RBPJ: variants seen among roughly 807,000 people sequenced by gnomAD.
RBPJ encodes recombination signal binding protein for immunoglobulin kappa J region.
Under a neutral mutation model 67.8 loss-of-function variants are expected in RBPJ, and 9 were observed. The observed-to-expected ratio is 0.13, with a 90% CI of 0.08 to 0.23. RBPJ has a LOEUF of 0.23. Among genes scored for constraint, RBPJ ranks in the 10% least tolerant of loss-of-function variants. The pLI is 1.00. For missense variants in RBPJ, 305 were observed against 595.6 expected, an observed-to-expected ratio of 0.51 and a Z score of 5.08; for synonymous variants, 198 against 203.3, an observed-to-expected ratio of 0.97 and a Z score of 0.22.
intron 1 of RBPJ, among the ~76,000 whole-genome samples, chr4:26,170,504 A>G: frequency 6.6e-6 from 1 of 151,420 alleles, no homozygotes; most frequent in Non-Finnish European, 1.5e-5. Flanking sequence ...TTGCAGTGCC[A>G]CTGCACTCCA....
chr4:26,235,446 A>T (rs1266347318), intron 1 of RBPJ, among the ~76,000 whole-genome samples: 1 of 152,250 alleles, frequency 6.6e-6, no homozygotes, highest in Non-Finnish European at 1.5e-5. Flanking sequence ...ATTAACATTT[A>T]AAAACAAAAA....
intron 1 of RBPJ, among the ~76,000 whole-genome samples, chr4:26,232,932 C>T (rs1719338486): frequency 6.6e-6 from 1 of 152,170 alleles, no homozygotes; most frequent in South Asian, 2.1e-4. Context: ...TGTTCCTAAA[C>T]ACCATCTAAG....
chr4:26,147,983 C>T, the RBPJ span, among the ~76,000 whole-genome samples: 1 of 152,186 alleles, frequency 6.6e-6, no homozygotes, highest in Non-Finnish European at 1.5e-5. Flanking sequence ...CTTGAACTTA[C>T]TGAAACTCTG....
intron 1 of RBPJ, among the ~76,000 whole-genome samples, chr4:26,345,875 C>T (rs1726078386): frequency 6.6e-6 from 1 of 152,166 alleles, no homozygotes; most frequent in African/African-American, 2.4e-5. Flanking sequence ...GGAAGATTTT[C>T]AGAGAATACA....
intron 1 of RBPJ, among the ~76,000 whole-genome samples, chr4:26,255,842 A>G (rs532520515): frequency 6.6e-6 from 1 of 152,044 alleles, no homozygotes; most frequent in Admixed American, 6.5e-5. Flanking sequence ...AAAATCACCT[A>G]AGTTCTAGTC....
At chr4:26,375,802 A>G (rs1190139785) in intron 1 of RBPJ, among the ~76,000 whole-genome samples, 2 of 152,152 alleles carry the variant, frequency 1.3e-5, no homozygotes, top group Non-Finnish European at 2.9e-5. Flanking sequence ...GGGGAAAGGG[A>G]TGCTTGCTGC....
At chr4:26,137,353 A>C in the RBPJ span, among the ~76,000 whole-genome samples, 6 of 152,138 alleles carry the variant, frequency 3.9e-5, no homozygotes, top group African/African-American at 1.4e-4. Flanking sequence ...CCCACTCCCT[A>C]CCCTCTGGTA....
intron 1 of RBPJ, among the ~76,000 whole-genome samples, chr4:26,209,114 T>TATAA (rs1718274240): frequency 1.3e-5 from 2 of 150,258 alleles, no homozygotes; most frequent in Admixed American, 6.6e-5. Flanking sequence ...TATATATATA[T>TATAA]AAAAGCATTT....
intron 1 of RBPJ, among the ~76,000 whole-genome samples, chr4:26,375,825 C>T (rs1413392528): frequency 2.0e-5 from 3 of 152,088 alleles, no homozygotes; most frequent in Non-Finnish European, 2.9e-5. Flanking sequence ...GCTCTCTGGC[C>T]GCCCTTCCTA....
In RBPJ at chr4:26,262,703, C is replaced by G. The variant is rs142760830; in HGVS notation, c.-167+99089C>G. On this transcript the variant is annotated intron_variant, in intron 1 of 4. Transcript: ENST00000512351. Reference sequence around the variant, plus strand: ...TCAACTATTGTTCAGAGGCTAATGACTCCCAAGACTCTATCTGCCACCTAA... The same window carrying G: ...TCAACTATTGTTCAGAGGCTAATGAGTCCCAAGACTCTATCTGCCACCTAA... Among the ~76,000 whole-genome samples, 718 of 152,284 alleles carry G rather than the reference C, an allele frequency of 4.7e-3. 5 individuals are homozygous for G. Among genetic ancestry groups the G allele is most frequent in the African/African-American group, 0.017 (686 of 41,536 alleles).
intron 1 of RBPJ, among the ~76,000 whole-genome samples, chr4:26,226,890 A>G (rs967963145): frequency 3.9e-5 from 6 of 152,224 alleles, no homozygotes; most frequent in African/African-American, 1.4e-4. Context: ...AATTTATTTG[A>G]TGATGAGTCC....
intron 1 of RBPJ, among the ~76,000 whole-genome samples, chr4:26,224,677 T>C (rs886239387): frequency 1.3e-5 from 2 of 152,204 alleles, no homozygotes; most frequent in South Asian, 2.1e-4. Context: ...ACATTCTTGA[T>C]GGCAGAATCC....
rs13144326 is a variant in RBPJ, at chr4:26,334,621, C to T, written c.20+13573C>T. 0.52 allele frequency among the ~76,000 whole-genome samples: 79,269 copies of T among 151,944 alleles called. 20,755 individuals are homozygous for T. The highest frequency in any genetic ancestry group is 0.57 in the Admixed American group (8,752 of 15,268). On this transcript the variant is annotated intron_variant, in intron 1 of 10. Coordinates refer to ENST00000355476, the MANE Select transcript of RBPJ (RefSeq NM_015874.6). The stretch of plus-strand genomic sequence containing the variant: ...TTTCTTAACTCAAGCTACTGCCATG[C>T]CTTTTATTCATCTCTTGACTTGGTC...
chr4:26,303,426 CTG>C (rs1722141905), intron 1 of RBPJ, among the ~76,000 whole-genome samples: 1 of 138,804 alleles, frequency 7.2e-6, no homozygotes, highest in Non-Finnish European at 1.5e-5. Context: ...GATTGTGCCA[CTG>C]CACTCCAGTC....
At chr4:26,305,116 C>A (rs1050702529) in intron 1 of RBPJ, among the ~76,000 whole-genome samples, 2 of 152,174 alleles carry the variant, frequency 1.3e-5, no homozygotes, top group African/African-American at 4.8e-5. Context: ...CCACTGAATT[C>A]TTTTGACACT....
Position 26,352,672 on chromosome 4 carries a change from C to T in RBPJ, c.20+31624C>T, listed in dbSNP as rs143091317. On this transcript the variant is annotated intron_variant, in intron 1 of 10. Coordinates refer to ENST00000355476, the MANE Select transcript of RBPJ (RefSeq NM_015874.6). ...GAGCCCAGATCGCACCATTGCACTT[C>T]GGCCTGGGCCACAGAGTGAAACTCT... is the stretch of plus-strand genomic sequence containing the variant. 2.8e-4 allele frequency among the ~76,000 whole-genome samples: 42 copies of T among 152,360 alleles called. No homozygotes were observed. The East Asian group carries it at 3.1e-3, about 11-fold the overall frequency.
upstream of RBPJ, among the ~76,000 whole-genome samples, chr4:26,319,265 C>T (rs1215056170): frequency 6.6e-6 from 1 of 152,162 alleles, no homozygotes; most frequent in African/African-American, 2.4e-5. Context: ...AGCCTGACCT[C>T]TCACTCTCCG....
intron 7 of RBPJ, among the ~76,000 whole-genome samples, chr4:26,426,796 G>A (rs1230263514): frequency 1.3e-5 from 2 of 152,038 alleles, no homozygotes; most frequent in East Asian, 3.8e-4. Context: ...CTGAAGGCAG[G>A]GGATGTATGA....
At chr4:26,427,713 A>G in intron 7 of RBPJ, among the ~76,000 whole-genome samples, 1 of 152,118 alleles carries the variant, frequency 6.6e-6, no homozygotes, top group African/African-American at 2.4e-5. Context: ...ATTGCAGGAG[A>G]TTGGACAGTG....
Sources: gnomAD v4.1 joint callset for allele counts (sites outside exome capture counted in the v4.1 genomes callset) on GRCh38, gnomAD v4.1.1 for gene constraint, MANE v1.5 for transcripts, NCBI Gene and HGNC (gene_info 2026-07-23, HGNC 2026-07-21) for gene names.